Variants in LGSN observed in about 807,000 individuals in gnomAD.
LGSN encodes the protein lengsin.
In LGSN, 21 loss-of-function variants were observed where a neutral mutation model predicts 19.5. The observed-to-expected ratio is 1.07, with a 90% CI of 0.76 to 1.55. The LOEUF is 1.55. Among genes scored for constraint, LGSN ranks in the 40% most tolerant of loss-of-function variants. The pLI, the probability that LGSN is intolerant of heterozygous loss-of-function variation, is 0.00. For missense variants in LGSN, 673 were observed against 608.5 expected, an observed-to-expected ratio of 1.11 and a Z score of -1.12; for synonymous variants, 257 against 215.6, an observed-to-expected ratio of 1.19 and a Z score of -1.68.
At chr6:63,511,185 A>G in the LGSN span, among the ~76,000 whole-genome samples, 8 of 151,978 alleles carry the variant, frequency 5.3e-5, no homozygotes, top group Non-Finnish European at 8.8e-5. Flanking sequence ...GATGAGCCCA[A>G]TGGAAGCCCT....
the LGSN span, among the ~76,000 whole-genome samples, chr6:63,397,495 G>A: frequency 2.0e-5 from 3 of 151,662 alleles, no homozygotes; most frequent in African/African-American, 7.3e-5. Flanking sequence ...GGGATTATAT[G>A]GTCCAAGGAC....
intron 2 of LGSN, among the ~76,000 whole-genome samples, chr6:63,288,016 C>T (rs1442048059): frequency 1.3e-5 from 2 of 151,706 alleles, no homozygotes; most frequent in African/African-American, 4.8e-5. Flanking sequence ...GAGTTCAAGA[C>T]CAGCCTGACC....
chr6:63,472,921 ACAGAGCGAGACTCTGTCT>A, the LGSN span, among the ~76,000 whole-genome samples: 4 of 152,100 alleles, frequency 2.6e-5, no homozygotes, highest in African/African-American at 4.8e-5. Flanking sequence ...AGCCTGGGCA[ACAGAGCGAGACTCTGTCT>A]CAAAAAAATA....
chr6:63,336,152 TAGTAG>T, the LGSN span, among the ~76,000 whole-genome samples: 1 of 152,214 alleles, frequency 6.6e-6, no homozygotes, highest in African/African-American at 2.4e-5. Context: ...ATAATGTTGA[TAGTAG>T]AGTAAGGTGA....
At chr6:63,474,620 AAAAAG>A in the LGSN span, among the ~76,000 whole-genome samples, 230 of 150,274 alleles carry the variant, frequency 1.5e-3, 1 homozygote, top group South Asian at 0.02. Context: ...AAAAAAAAAA[AAAAAG>A]AAAGTGGGAA....
the LGSN span, among the ~76,000 whole-genome samples, chr6:63,390,692 T>G: frequency 6.0e-5 from 9 of 150,660 alleles, no homozygotes; most frequent in African/African-American, 9.7e-5. Flanking sequence ...CCGTCTCTAC[T>G]AAAAATACAA....
the LGSN span, among the ~76,000 whole-genome samples, chr6:63,450,582 A>G: frequency 6.6e-6 from 1 of 151,802 alleles, no homozygotes; most frequent in Non-Finnish European, 1.5e-5. Flanking sequence ...ATAATTTTTT[A>G]AAAAACGTTA....
At chr6:63,312,157 C>T (rs1212871776) in intron 1 of LGSN, among the ~76,000 whole-genome samples, 1 of 152,160 alleles carries the variant, frequency 6.6e-6, no homozygotes, top group African/African-American at 2.4e-5. Flanking sequence ...TGAATACTAT[C>T]CCATTGTGTA....
chr6:63,336,521 G>A, the LGSN span, among the ~76,000 whole-genome samples: 3 of 40,492 alleles, frequency 7.4e-5, no homozygotes. Context: ...TAGAATATCT[G>A]TGTGTGTGTG....
At chr6:63,307,952 T>G (rs921347742) in intron 1 of LGSN, among the ~76,000 whole-genome samples, 2 of 152,198 alleles carry the variant, frequency 1.3e-5, no homozygotes, top group African/African-American at 2.4e-5. Context: ...TAGCCTGGCT[T>G]GGACTCTACA....
chr6:63,485,044 T>C, the LGSN span, among the ~76,000 whole-genome samples: 12 of 152,170 alleles, frequency 7.9e-5, no homozygotes, highest in Admixed American at 3.3e-4. Flanking sequence ...GTTGTTTTTT[T>C]TTTTACCTTT....
chr6:63,334,888 C>T, the LGSN span, among the ~76,000 whole-genome samples: 34 of 152,140 alleles, frequency 2.2e-4, no homozygotes, highest in African/African-American at 7.7e-4. Context: ...TCTGTAATCT[C>T]AGCACTTTGG....
the LGSN span, among the ~76,000 whole-genome samples, chr6:63,351,535 T>C: frequency 3.4e-4 from 51 of 152,164 alleles, no homozygotes; most frequent in African/African-American, 1.2e-3. Context: ...TTCAGCTCAC[T>C]GCAACCTCTG....
the LGSN span, among the ~76,000 whole-genome samples, chr6:63,548,426 A>T: frequency 6.6e-6 from 1 of 152,178 alleles, no homozygotes; most frequent in East Asian, 1.9e-4. Context: ...TTTGCTACTC[A>T]CAGCAGTATT....
the LGSN span, among the ~76,000 whole-genome samples, chr6:63,381,550 A>G: frequency 6.6e-6 from 1 of 152,246 alleles, no homozygotes; most frequent in Non-Finnish European, 1.5e-5. Context: ...AAAATTATCC[A>G]GTAAGAAAGC....
At chr6:63,408,442 T>C in the LGSN span, among the ~76,000 whole-genome samples, 1 of 145,666 alleles carries the variant, frequency 6.9e-6, no homozygotes, top group African/African-American at 2.6e-5. Flanking sequence ...GGATTCCCTA[T>C]TTAATAAATG....
chr6:63,571,321 C>A, the LGSN span: 1 of 152,178 alleles, frequency 6.6e-6, no homozygotes, highest in Admixed American at 6.5e-5. Context: ...CAATCTCATA[C>A]TCGGTGAAAA....
chr6:63,426,056 T>C, the LGSN span, among the ~76,000 whole-genome samples: 16 of 152,136 alleles, frequency 1.1e-4, no homozygotes, highest in Non-Finnish European at 2.1e-4. Context: ...AACTTTTTTT[T>C]TAATGCAAGG....
chr6:63,419,126 A>G, the LGSN span, among the ~76,000 whole-genome samples: 1 of 152,100 alleles, frequency 6.6e-6, no homozygotes, highest in Admixed American at 6.5e-5. Flanking sequence ...AGACAAAAAG[A>G]AAATCCAGGG....
Sources: gnomAD v4.1 joint callset for allele counts (sites outside exome capture counted in the v4.1 genomes callset) on GRCh38, gnomAD v4.1.1 for gene constraint, MANE v1.5 for transcripts, NCBI Gene and HGNC (gene_info 2026-07-23, HGNC 2026-07-21) for gene names.